The following WDR49 variants were observed in gnomAD, a reference collection of about 807,000 sequenced individuals.
WDR49 encodes the protein WD repeat domain 49, also known as cilia- and flagella-associated protein 337.
WDR49 carries 107 observed loss-of-function variants against 119.5 expected under a neutral mutation model. That is an observed-to-expected ratio of 0.90 (90% CI 0.77 to 1.05). WDR49 has a LOEUF of 1.05. Among genes scored for constraint, WDR49 ranks in the 50% least tolerant of loss-of-function variants. The pLI, the probability that WDR49 is intolerant of heterozygous loss-of-function variation, is 0.00. For missense variants in WDR49, 1,240 were observed against 1,220.5 expected (o/e 1.02, Z -0.24); for synonymous variants, 425 against 418.8 (o/e 1.01, Z -0.18).
intron 18 of WDR49, among the ~76,000 whole-genome samples, chr3:167,494,777 T>A (rs933267908): frequency 6.6e-6 from 1 of 152,196 alleles, no homozygotes. Context: ...GTCTTTCCCA[T>A]AGGACATTCT....
intron 16 of WDR49, among the ~76,000 whole-genome samples, chr3:167,515,301 G>A (rs1752156212): frequency 6.6e-6 from 1 of 152,108 alleles, no homozygotes; most frequent in African/African-American, 2.4e-5. Context: ...AATCAAGTTG[G>A]CTTCATCCCC....
At chr3:167,615,835 T>C (rs1440014522) in intron 5 of WDR49, among the ~76,000 whole-genome samples, 1 of 152,180 alleles carries the variant, frequency 6.6e-6, no homozygotes, top group African/African-American at 2.4e-5. Flanking sequence ...AACAAGACAC[T>C]CACTCCAGCA....
chr3:167,656,009 A>C (rs965450221), upstream of WDR49, among the ~76,000 whole-genome samples: 12 of 152,126 alleles, frequency 7.9e-5, no homozygotes, highest in African/African-American at 2.9e-4. Context: ...TAGTCAGGGC[A>C]ATTATCCGTC....
chr3:167,578,457 T>C (rs928853429), intron 7 of WDR49, among the ~76,000 whole-genome samples: 1 of 152,168 alleles, frequency 6.6e-6, no homozygotes, highest in African/African-American at 2.4e-5. Flanking sequence ...TGTGTATATA[T>C]GTGTGTGGTG....
chr3:167,642,493 C>A (rs1300920911), intron 2 of WDR49, among the ~76,000 whole-genome samples: 3 of 151,742 alleles, frequency 2.0e-5, no homozygotes, highest in Admixed American at 6.6e-5. Context: ...AGGGGAAGAA[C>A]CCTGTGGTAT....
chr3:167,611,919 T>A (rs1204556487), intron 5 of WDR49, among the ~76,000 whole-genome samples: 1 of 152,162 alleles, frequency 6.6e-6, no homozygotes. Flanking sequence ...CTTTCAGCAC[T>A]GGACAGAACT....
intron 5 of WDR49, among the ~76,000 whole-genome samples, chr3:167,609,573 C>T (rs1442404144): frequency 6.6e-6 from 1 of 152,186 alleles, no homozygotes; most frequent in Non-Finnish European, 1.5e-5. Flanking sequence ...GGCTACAGCA[C>T]TGTTTGTCTC....
intron 5 of WDR49, among the ~76,000 whole-genome samples, chr3:167,606,305 C>A (rs1033921505): frequency 3.3e-5 from 5 of 152,078 alleles, no homozygotes; most frequent in African/African-American, 1.2e-4. Context: ...TAAAATATCA[C>A]GATTTTGAGA....
At chr3:167,570,661 T>A (rs1288987160) in intron 8 of WDR49, among the ~76,000 whole-genome samples, 1 of 152,220 alleles carries the variant, frequency 6.6e-6, no homozygotes, top group African/African-American at 2.4e-5. Context: ...CATAATGGAA[T>A]TTTTTAACAG....
chr3:167,626,925 G>C lies in WDR49; in HGVS notation c.533C>G (p.Pro178Arg). The C allele has an allele frequency of 7.7e-7, 1 of 1,295,090 alleles. No homozygotes were observed. The highest frequency in any genetic ancestry group is 2.9e-5 in the South Asian group (1 of 34,824). The allele number at this position is 1,295,090 out of a possible 1,614,324, so 80.2% of individuals were successfully genotyped here. The change falls in exon 3 of 19, where the codon CCC (proline) becomes CGC (arginine). Residue 178 changes from proline to arginine, a missense_variant. By Grantham distance (103) the Pro-to-Arg change is moderately radical. Coordinates refer to ENST00000682715, the MANE Select transcript of WDR49 (RefSeq NM_001366157.1). ...GEHLKLQETF[P>R]ITSDATKLKH... ...GAGCTTGGTGGCATCTGAAGTGATGGGGAATGTTTCTTGCAGCTTTAAATG... is the reference window on the plus strand; with the variant it reads ...GAGCTTGGTGGCATCTGAAGTGATGCGGAATGTTTCTTGCAGCTTTAAATG...
chr3:167,541,653 T>C (rs1464575515), intron 10 of WDR49, among the ~76,000 whole-genome samples: 1 of 151,778 alleles, frequency 6.6e-6, no homozygotes, highest in African/African-American at 2.4e-5. Flanking sequence ...ACAACAACAA[T>C]GTATTCAGGC....
intron 2 of WDR49, among the ~76,000 whole-genome samples, chr3:167,632,046 T>C (rs1228926699): frequency 6.6e-6 from 1 of 152,058 alleles, no homozygotes; most frequent in Non-Finnish European, 1.5e-5. Flanking sequence ...AACCTGGTCC[T>C]AAAAGTGCTC....
At chr3:167,577,313 C>T (rs1156918008) in intron 7 of WDR49, among the ~76,000 whole-genome samples, 1 of 152,108 alleles carries the variant, frequency 6.6e-6, no homozygotes, top group Non-Finnish European at 1.5e-5. Context: ...TAACAGGCTA[C>T]TGAGGGAGTG....
At chr3:167,582,135 T>C (rs1249046009) in intron 7 of WDR49, among the ~76,000 whole-genome samples, 2 of 151,646 alleles carry the variant, frequency 1.3e-5, no homozygotes, top group Non-Finnish European at 2.9e-5. Context: ...TCCACACAAA[T>C]GGATAGCATA....
At chr3:167,532,686 G>A (rs1244307523) in intron 12 of WDR49, among the ~76,000 whole-genome samples, 193 bp downstream of exon 12, 1 of 152,152 alleles carries the variant, frequency 6.6e-6, no homozygotes, top group African/African-American at 2.4e-5. Context: ...GCATGCCATG[G>A]AGAGTGTGCT....
intron 10 of WDR49, among the ~76,000 whole-genome samples, chr3:167,546,993 A>C (rs1712245399): frequency 1.3e-5 from 2 of 151,968 alleles, no homozygotes; most frequent in South Asian, 4.1e-4. Flanking sequence ...AAATTTGTAG[A>C]GTCAAATTTT....
intron 2 of WDR49, chr3:167,633,478 TC>T (rs1209480904): frequency 2.2e-6 from 1 of 456,250 alleles, no homozygotes; most frequent in Non-Finnish European, 4.4e-6. Flanking sequence ...AATCCCAGCT[TC>T]TGTCTTGTCT....
intron 8 of WDR49, among the ~76,000 whole-genome samples, chr3:167,572,442 A>T (rs947434566): frequency 1.3e-5 from 2 of 152,260 alleles, no homozygotes; most frequent in Non-Finnish European, 2.9e-5. Flanking sequence ...TTGAAATAAC[A>T]ACACAAGGGA....
intron 2 of WDR49, among the ~76,000 whole-genome samples, chr3:167,633,032 T>C (rs1270656232): frequency 2.0e-5 from 3 of 151,924 alleles, no homozygotes; most frequent in Non-Finnish European, 4.4e-5. Context: ...AATAGAAGAA[T>C]TATAAATTGA....
Sources: allele counts gnomAD v4.1 joint callset (sites outside exome capture counted in the v4.1 genomes callset), GRCh38; gene constraint gnomAD v4.1.1; transcripts MANE v1.5; gene names NCBI Gene and HGNC (gene_info 2026-07-23, HGNC 2026-07-21).